KCND3: variants seen among roughly 807,000 people sequenced by gnomAD.
KCND3 encodes potassium voltage-gated channel subfamily D member 3, also known as A-type voltage-gated potassium channel KCND3.
Under a neutral mutation model 51.1 loss-of-function variants are expected in KCND3, and 9 were observed. The observed-to-expected ratio is 0.18, with a 90% CI of 0.11 to 0.31. The LOEUF (loss-of-function observed/expected upper bound fraction) is 0.31, where lower values mean the gene tolerates loss of function less well. Ranked by LOEUF, KCND3 falls within the 10% of genes least tolerant of loss-of-function variation. The pLI is 1.00. For missense variants in KCND3, 526 were observed against 903.8 expected (o/e 0.58, Z 5.36); for synonymous variants, 349 against 368.0 (o/e 0.95, Z 0.59).
intron 3 of KCND3, among the ~76,000 whole-genome samples, chr1:111,784,656 C>T (rs1291118299): frequency 1.3e-5 from 2 of 152,202 alleles, no homozygotes; most frequent in East Asian, 1.9e-4. Flanking sequence ...CTTGCCTTGA[C>T]CCATGGTGAC....
intron 2 of KCND3, among the ~76,000 whole-genome samples, chr1:111,914,928 T>C (rs989893622): frequency 5.9e-5 from 9 of 152,222 alleles, no homozygotes; most frequent in Non-Finnish European, 1.2e-4. Flanking sequence ...AACAAAAATT[T>C]TCACTGTATT....
chr1:111,829,300 A>G (rs1436870387), intron 2 of KCND3, among the ~76,000 whole-genome samples: 1 of 152,034 alleles, frequency 6.6e-6, no homozygotes, highest in African/African-American at 2.4e-5. Flanking sequence ...TTCTGATGAG[A>G]GTGGTAGGGA....
Position 111,775,818 on chromosome 1 carries a change from G to GGGCCCCCCCCCCCC in KCND3, c.*258_*259insGGGGGGGGGGGGCC. 1.0e-5 allele frequency: 1 copy of GGGCCCCCCCCCCCC among 99,730 alleles called. No individual in the cohort carries two copies. The highest frequency in any genetic ancestry group is 1.9e-5 in the Non-Finnish European group (1 of 51,434). 6.2% of individuals were successfully genotyped at this position (99,730 alleles called of 1,614,324 possible). On this transcript the variant is annotated 3_prime_UTR_variant, in exon 8 of 8. Coordinates refer to ENST00000302127, the MANE Select transcript of KCND3 (RefSeq NM_001378969.1). The stretch of plus-strand genomic sequence containing the variant: ...AGCCTATATCCCCCGGCCTATCCCC[G>GGGCCCCCCCCCCCC]ACCCCCCCACCCTCCCTCCCTTCCT...
At chr1:111,786,802 G>T in intron 3 of KCND3, 142 bp downstream of exon 3, 1 of 947,282 alleles carries the variant, frequency 1.1e-6, no homozygotes, top group Non-Finnish European at 1.7e-6. Context: ...CTGGTGAGCA[G>T]GAAGGGACTG....
intron 2 of KCND3, among the ~76,000 whole-genome samples, chr1:111,928,414 T>C (rs774328174): frequency 6.6e-6 from 1 of 152,150 alleles, no homozygotes; most frequent in African/African-American, 2.4e-5. Context: ...ACGCAGATCA[T>C]GGCCCATGCC....
At chr1:111,922,495 G>A (rs190593540) in intron 2 of KCND3, among the ~76,000 whole-genome samples, 118 of 152,334 alleles carry the variant, frequency 7.7e-4, no homozygotes, top group African/African-American at 2.6e-3. Flanking sequence ...GAGCTCTTCT[G>A]AGTCAGAAAG....
At chr1:111,830,150 C>T (rs1571706283) in intron 2 of KCND3, among the ~76,000 whole-genome samples, 2 of 151,960 alleles carry the variant, frequency 1.3e-5, no homozygotes, top group East Asian at 3.9e-4. Context: ...AACCTCTGTT[C>T]ACTGTTATTC....
intron 2 of KCND3, among the ~76,000 whole-genome samples, chr1:111,797,962 C>G (rs1025402365): frequency 1.3e-5 from 2 of 152,244 alleles, no homozygotes; most frequent in Non-Finnish European, 2.9e-5. Context: ...TAGCAGGCTA[C>G]TGCATCAGTC....
At chr1:111,894,216 C>G (rs1257196537) in intron 2 of KCND3, among the ~76,000 whole-genome samples, 1 of 152,190 alleles carries the variant, frequency 6.6e-6, no homozygotes, top group Non-Finnish European at 1.5e-5. Context: ...CTGCTCCAGC[C>G]TCACGGCCTC....
chr1:111,886,514 G>A (rs1198098114), intron 2 of KCND3, among the ~76,000 whole-genome samples: 1 of 152,226 alleles, frequency 6.6e-6, no homozygotes, highest in Non-Finnish European at 1.5e-5. Context: ...TGTGCGAGGA[G>A]GGTTAGGGGC....
At chr1:111,890,647 G>A (rs1669783116) in intron 2 of KCND3, among the ~76,000 whole-genome samples, 1 of 152,100 alleles carries the variant, frequency 6.6e-6, no homozygotes, top group East Asian at 1.9e-4. Flanking sequence ...AGAAGAGATG[G>A]CCAGGGAGTG....
chr1:111,796,687 G>A (rs1051728929), intron 2 of KCND3, among the ~76,000 whole-genome samples: 4 of 152,130 alleles, frequency 2.6e-5, no homozygotes, highest in African/African-American at 9.7e-5. Context: ...TTAATACCTG[G>A]GTGACACAAG....
intron 2 of KCND3, among the ~76,000 whole-genome samples, chr1:111,906,206 G>C (rs892561445): frequency 7.2e-5 from 11 of 152,196 alleles, no homozygotes; most frequent in African/African-American, 2.7e-4. Context: ...AGAAGGTAGA[G>C]ATAGACACAT....
chr1:111,839,086 T>C (rs1462600663), intron 2 of KCND3, among the ~76,000 whole-genome samples: 1 of 152,244 alleles, frequency 6.6e-6, no homozygotes, highest in Non-Finnish European at 1.5e-5. Context: ...TCTATCTTTT[T>C]AGAGTTTCAT....
rs768700500 is a variant in KCND3 at position 111,786,901 on chromosome 1, G to T, written c.1269+43C>A. On this transcript the variant is annotated intron_variant, in intron 3 of 7. Coordinates refer to ENST00000302127, the MANE Select transcript of KCND3 (RefSeq NM_001378969.1). ...CTGGCTCCCTGACTGGTGCTCCCCC[G>T]CATCCTTTACACTGCCCCCGCTTCC... 4.3e-6 allele frequency: 7 copies of T among 1,610,158 alleles called. No individual in the cohort carries two copies. The East Asian group carries it at 1.1e-4, about 26-fold the overall frequency.
intron 2 of KCND3, among the ~76,000 whole-genome samples, chr1:111,920,993 G>T (rs1307599222): frequency 6.6e-6 from 1 of 152,188 alleles, no homozygotes; most frequent in Non-Finnish European, 1.5e-5. Context: ...CAGGCTTTGT[G>T]GTGGGCAGCA....
Position 111,846,418 on chromosome 1 carries a change from TCTG to T in KCND3, c.1107-59315_1107-59313del, listed in dbSNP as rs55653915. ...TTTCCTCTGTACACCCATGACACTC[TCTG>T]CTGCTGCTGCTGCTGCTGCTGCTGC... On this transcript the variant is annotated intron_variant, in intron 2 of 7. Transcript: ENST00000302127. Among the ~76,000 whole-genome samples the T allele has an allele frequency of 3.5e-3, 528 of 150,784 alleles. 6 individuals carry two copies. Among genetic ancestry groups the T allele is most frequent in the African/African-American group, 0.011 (444 of 40,992 alleles).
chr1:111,955,184 G>A (rs970583568), intron 2 of KCND3, among the ~76,000 whole-genome samples: 2 of 152,226 alleles, frequency 1.3e-5, no homozygotes, highest in Non-Finnish European at 2.9e-5. Context: ...CAAGGCACGA[G>A]AATCGCTTAA....
intron 2 of KCND3, among the ~76,000 whole-genome samples, chr1:111,878,961 T>C (rs1369905660): frequency 1.3e-5 from 2 of 152,180 alleles, no homozygotes; most frequent in African/African-American, 2.4e-5. Flanking sequence ...GTTAAAGGCC[T>C]GAATAGGACA....
Sources: allele counts gnomAD v4.1 joint callset (sites outside exome capture counted in the v4.1 genomes callset), GRCh38; gene constraint gnomAD v4.1.1; transcripts MANE v1.5; gene names NCBI Gene and HGNC (gene_info 2026-07-23, HGNC 2026-07-21).